Variants in CAST observed in about 807,000 individuals in gnomAD.
CAST encodes the protein MIR583 host.
A neutral mutation model predicts 119.6 loss-of-function variants in CAST; 76 were observed. That is an observed-to-expected ratio of 0.64 (90% CI 0.53 to 0.77). The LOEUF is 0.77. CAST is among the 30% of genes least tolerant of loss of function. CAST has a pLI of 0.00. For missense variants in CAST, 953 were observed against 946.5 expected (o/e 1.01, Z -0.09); for synonymous variants, 319 against 331.6 (o/e 0.96, Z 0.41).
chr5:96,670,086 A>G (rs1045468102), intron 1 of CAST, among the ~76,000 whole-genome samples: 2 of 152,182 alleles, frequency 1.3e-5, no homozygotes, highest in African/African-American at 4.8e-5. Flanking sequence ...GTGTGATGGT[A>G]GAGAGCTGAG....
At chr5:96,105,683 G>A in the CAST span, among the ~76,000 whole-genome samples, 19 of 152,256 alleles carry the variant, frequency 1.2e-4, no homozygotes, top group African/African-American at 4.1e-4. Context: ...CAAGGATATT[G>A]GTGTAAAATT....
At chr5:96,565,896 A>G (rs1746458016) in intron 1 of CAST, among the ~76,000 whole-genome samples, 1 of 152,328 alleles carries the variant, frequency 6.6e-6, no homozygotes, top group Non-Finnish European at 1.5e-5. Context: ...TTCAACAGGC[A>G]TATTTCCAAC....
chr5:96,219,931 T>C, the CAST span, among the ~76,000 whole-genome samples: 5 of 152,236 alleles, frequency 3.3e-5, no homozygotes, highest in African/African-American at 1.2e-4. Flanking sequence ...TCAGAGCCTG[T>C]ACAAAGGTTT....
chr5:96,149,676 C>A, the CAST span, among the ~76,000 whole-genome samples: 1 of 152,238 alleles, frequency 6.6e-6, no homozygotes, highest in Non-Finnish European at 1.5e-5. Flanking sequence ...AGTTTCACAT[C>A]CTGCAAAAAA....
At chr5:96,532,728 T>C (rs955914548) in intron 1 of CAST, among the ~76,000 whole-genome samples, 10 of 152,218 alleles carry the variant, frequency 6.6e-5, no homozygotes, top group African/African-American at 2.2e-4. Flanking sequence ...TGCACACCTG[T>C]AATCCCAGCT....
At chr5:96,717,059 AACTG>A (rs761926361) in intron 3 of CAST, among the ~76,000 whole-genome samples, 1 of 152,222 alleles carries the variant, frequency 6.6e-6, no homozygotes, top group Non-Finnish European at 1.5e-5. Context: ...AAATGAGACT[AACTG>A]ACAGCTAGAA....
At chr5:96,361,995 C>A in the CAST span, among the ~76,000 whole-genome samples, 1 of 151,950 alleles carries the variant, frequency 6.6e-6, no homozygotes, top group Non-Finnish European at 1.5e-5. Flanking sequence ...CCCCACACCC[C>A]ACGACAGGCC....
the CAST span, among the ~76,000 whole-genome samples, chr5:95,981,568 C>G: frequency 6.6e-6 from 1 of 152,166 alleles, no homozygotes; most frequent in Non-Finnish European, 1.5e-5. Context: ...ATCTGGAAAC[C>G]ACCTATCCCT....
At chr5:96,323,311 G>C in the CAST span, among the ~76,000 whole-genome samples, 2 of 152,174 alleles carry the variant, frequency 1.3e-5, no homozygotes, top group African/African-American at 4.8e-5. Context: ...ACAATTCCTA[G>C]TTTAACAAGT....
At chr5:96,304,489 A>G in the CAST span, among the ~76,000 whole-genome samples, 2 of 152,078 alleles carry the variant, frequency 1.3e-5, no homozygotes, top group Non-Finnish European at 2.9e-5. Context: ...TTTTGTTGCC[A>G]TTGCTTTTGG....
the CAST span, among the ~76,000 whole-genome samples, chr5:96,302,991 G>C: frequency 6.6e-6 from 1 of 152,096 alleles, no homozygotes; most frequent in East Asian, 1.9e-4. Flanking sequence ...TTCTGTATTA[G>C]TCCATTCCCA....
the CAST span, among the ~76,000 whole-genome samples, chr5:96,281,052 CCT>C: frequency 1.3e-5 from 2 of 152,218 alleles, no homozygotes; most frequent in African/African-American, 4.8e-5. Flanking sequence ...TCAGTTTAGA[CCT>C]CTCTGTCTCT....
chr5:96,628,031 C>G (rs1036606082), intron 1 of CAST, among the ~76,000 whole-genome samples: 9 of 152,232 alleles, frequency 5.9e-5, no homozygotes, highest in Non-Finnish European at 1.3e-4. Context: ...ATGCCACCCT[C>G]TCTTATACAA....
At chr5:96,290,754 C>T in the CAST span, among the ~76,000 whole-genome samples, 3 of 152,206 alleles carry the variant, frequency 2.0e-5, no homozygotes, top group Non-Finnish European at 2.9e-5. Context: ...TTGGGGCAAG[C>T]ATCCTTTACT....
intron 1 of CAST, among the ~76,000 whole-genome samples, chr5:96,548,688 G>A (rs1413392732): frequency 6.6e-6 from 1 of 152,096 alleles, no homozygotes; most frequent in Non-Finnish European, 1.5e-5. Context: ...AATTTTCAAG[G>A]ATGCTGGTAC....
intron 22 of CAST, among the ~76,000 whole-genome samples, chr5:96,755,862 G>A (rs962864088): frequency 2.6e-5 from 4 of 152,186 alleles, no homozygotes; most frequent in Non-Finnish European, 4.4e-5. Flanking sequence ...TTCCTAGAGA[G>A]CATGCTAAGG....
the CAST span, among the ~76,000 whole-genome samples, chr5:96,356,426 G>A: frequency 6.6e-6 from 1 of 152,134 alleles, no homozygotes; most frequent in Non-Finnish European, 1.5e-5. Context: ...TGTCCTTAAT[G>A]GTATTGCCCA....
At chr5:96,027,584 A>G in the CAST span, among the ~76,000 whole-genome samples, 3 of 152,248 alleles carry the variant, frequency 2.0e-5, no homozygotes, top group East Asian at 5.8e-4. Context: ...AAAAATAACA[A>G]TGTGGAAACA....
chr5:96,168,209 A>C, the CAST span, among the ~76,000 whole-genome samples: 1 of 152,172 alleles, frequency 6.6e-6, no homozygotes, highest in Non-Finnish European at 1.5e-5. Flanking sequence ...GAGGGATAGA[A>C]GTTGGAACGC....
Sources: allele counts gnomAD v4.1 joint callset (sites outside exome capture counted in the v4.1 genomes callset), GRCh38; gene constraint gnomAD v4.1.1; transcripts MANE v1.5; gene names NCBI Gene and HGNC (gene_info 2026-07-23, HGNC 2026-07-21).